Variants in SP140 observed in about 807,000 individuals in gnomAD.
SP140 encodes nuclear body protein SP140.
In SP140, 81 loss-of-function variants were observed where a neutral mutation model predicts 125.0. That is an observed-to-expected ratio of 0.65 (90% CI 0.54 to 0.78). The LOEUF (loss-of-function observed/expected upper bound fraction) is 0.78, where lower values mean the gene tolerates loss of function less well. Ranked by LOEUF, SP140 falls within the 30% of genes least tolerant of loss-of-function variation. SP140 has a pLI of 0.00. For missense variants in SP140, 858 were observed against 1,037.0 expected, an observed-to-expected ratio of 0.83 and a Z score of 2.37; for synonymous variants, 312 against 354.0, an observed-to-expected ratio of 0.88 and a Z score of 1.33.
intron 1 of SP140, among the ~76,000 whole-genome samples, chr2:230,229,456 CTTTTTTTTTTTTTT>C (rs1163771237): frequency 0.026 from 1,516 of 57,642 alleles, 44 homozygotes; most frequent in African/African-American, 0.087. Context: ...TGAAGAAATT[CTTTTTTTTTTTTTT>C]TTTTTTTTTT....
Position 230,247,966 on chromosome 2 carries a change from C to A in SP140, c.793C>A (p.Pro265Thr). 3.1e-6 allele frequency: 5 copies of A among 1,613,554 alleles called. No homozygotes were observed. Among genetic ancestry groups the A allele is most frequent in the Non-Finnish European group, 4.2e-6 (5 of 1,179,816 alleles). Residue 265 changes from proline to threonine, a missense_variant, in exon 8 of 27, where the codon CCA (proline) becomes ACA (threonine). Around this residue, in one of 4 missense-constraint regions of SP140, gnomAD observed 791 missense variants for 869.5 expected, o/e 0.91. Transcript: ENST00000392045. ...TGCGGCAAGGACATACAGCACAGCA[C>A]CAGGGGAGAAACAGGGAGAGGAGGA... ...IDAARTYSTAPGEKQGEEEGR... is the reference protein window; with the variant it reads ...IDAARTYSTATGEKQGEEEGR...
chr2:230,225,605 C>A (rs1020364907), upstream of SP140: 15 of 579,708 alleles, frequency 2.6e-5, no homozygotes, highest in African/African-American at 2.4e-4. Context: ...AACAAGTGAC[C>A]CTGTCTTCCG....
At chr2:230,219,993 A>G in intron 3 of SP140, 1 of 985,640 alleles carries the variant, frequency 1.0e-6, no homozygotes, top group South Asian at 4.7e-5. Context: ...GTGCTTTGAC[A>G]AACGCAGTAA....
intron 9 of SP140, among the ~76,000 whole-genome samples, chr2:230,249,442 G>C (rs1262488040): frequency 6.6e-6 from 1 of 152,178 alleles, no homozygotes; most frequent in Non-Finnish European, 1.5e-5. Flanking sequence ...GACCTGTGGT[G>C]CTATAGCCCC....
chr2:230,212,494 T>C, intron 1 of SP140: 2 of 1,326,120 alleles, frequency 1.5e-6, no homozygotes, highest in Non-Finnish European at 2.2e-6. Flanking sequence ...AGAGTGAATG[T>C]TAAAAGTGCC....
chr2:230,315,692 T>C (rs1016659190), downstream of SP140, among the ~76,000 whole-genome samples: 3 of 152,046 alleles, frequency 2.0e-5, no homozygotes, highest in African/African-American at 7.3e-5. Flanking sequence ...TGAAAACAAG[T>C]AAGTTAAAAG....
intron 20 of SP140, 94 bp downstream of exon 20, chr2:230,292,882 T>C: frequency 6.4e-7 from 1 of 1,557,414 alleles, no homozygotes; most frequent in Non-Finnish European, 8.7e-7. Context: ...AGGTTATAGC[T>C]AAAGCCTTGA....
At chr2:230,309,820 G>A (rs2059162340) in intron 22 of SP140, 104 bp from the exon 23 acceptor site, 2 of 1,137,818 alleles carry the variant, frequency 1.8e-6, no homozygotes, top group South Asian at 1.4e-5. Context: ...GCATTTGCCT[G>A]TCCATGCAGG....
At chr2:230,303,570 G>C (rs1002938924) in intron 22 of SP140, among the ~76,000 whole-genome samples, 1 of 152,106 alleles carries the variant, frequency 6.6e-6, no homozygotes, top group African/African-American at 2.4e-5. Flanking sequence ...TATGAAGCCA[G>C]TATCACCCTA....
intron 3 of SP140, among the ~76,000 whole-genome samples, chr2:230,215,436 G>T (rs1179054598): frequency 1.3e-5 from 2 of 152,226 alleles, no homozygotes; most frequent in African/African-American, 2.4e-5. Context: ...GTTAAAGGAT[G>T]CTACTATGTA....
intron 1 of SP140, among the ~76,000 whole-genome samples, chr2:230,226,192 C>T (rs2046315075): frequency 6.6e-6 from 1 of 151,096 alleles, no homozygotes; most frequent in Non-Finnish European, 1.5e-5. Context: ...TTGGATGATT[C>T]CCCGTGACCT....
chr2:230,295,325 A>G (rs1392457666), intron 21 of SP140, among the ~76,000 whole-genome samples: 1 of 152,246 alleles, frequency 6.6e-6, no homozygotes, highest in Non-Finnish European at 1.5e-5. Context: ...ATTATCTGAT[A>G]TACTGGCTGA....
At position 230,285,848 on chromosome 2, in the gene SP140, T is replaced by A. The variant is rs2056311568; in HGVS notation, c.1645+16T>A. ...AAGATTAGGGGTAAGATAAAGTTTG[T>A]CCGCTTTCCCTTTGCCCTACAGGTC... On this transcript the variant is annotated intron_variant, in intron 17 of 26. Transcript: ENST00000392045. 1 of 1,593,384 alleles carries A rather than the reference T, an allele frequency of 6.3e-7. No homozygotes were observed. The highest frequency in any genetic ancestry group is 1.3e-5 in the African/African-American group (1 of 74,480).
rs76163406 is a variant in SP140 at position 230,255,149 on chromosome 2, G to A, written c.1160-303G>A. 5.6e-3 allele frequency among the ~76,000 whole-genome samples: 852 copies of A among 152,314 alleles called. 10 individuals are homozygous for A. The highest frequency in any genetic ancestry group is 0.019 in the African/African-American group (796 of 41,568). ...ACAAAGAGAAGCACCTGGAGCCACTGGCAGCAGGAAAGCAGGGCAGAGGCC... is the reference window on the plus strand; with the variant it reads ...ACAAAGAGAAGCACCTGGAGCCACTAGCAGCAGGAAAGCAGGGCAGAGGCC... On this transcript the variant is annotated intron_variant, in intron 11 of 26. Transcript: ENST00000392045.
intron 3 of SP140, chr2:230,215,213 A>T: frequency 2.0e-6 from 2 of 989,658 alleles, no homozygotes; most frequent in Non-Finnish European, 3.1e-6. Context: ...AAGCTACCTT[A>T]CTCTTTTAAG....
At position 230,312,762 on chromosome 2, in the gene SP140, G is replaced by T. The variant is rs1575405961; in HGVS notation, c.*78G>T. 5.6e-6 allele frequency: 6 copies of T among 1,064,964 alleles called. No individual in the cohort carries two copies. In the East Asian group the frequency reaches 1.5e-4, roughly 26 times the overall value. The allele number at this position is 1,064,964 out of a possible 1,614,324, so 66.0% of individuals were successfully genotyped here. The stretch of plus-strand genomic sequence containing the variant: ...GCTGGTTTGCCACTGACTTCAAAAT[G>T]AGGTCACTTGGGCACAGCACATGCA... On this transcript the variant is annotated 3_prime_UTR_variant, in exon 27 of 27. Coordinates refer to ENST00000392045, the MANE Select transcript of SP140 (RefSeq NM_007237.5).
At chr2:230,276,817 AGTT>A (rs1196938956) in intron 15 of SP140, among the ~76,000 whole-genome samples, 1 of 152,206 alleles carries the variant, frequency 6.6e-6, no homozygotes, top group Admixed American at 6.5e-5. Context: ...ATTTAGAAGA[AGTT>A]GATTACAATC....
upstream of SP140, among the ~76,000 whole-genome samples, chr2:230,223,058 G>A (rs1553546258): frequency 7.0e-6 from 1 of 143,174 alleles, no homozygotes; most frequent in Non-Finnish European, 1.5e-5. Flanking sequence ...TTTTTTTTGA[G>A]ACAGAGTCAC....
At chr2:230,290,753 A>T (rs2057021766) in intron 19 of SP140, among the ~76,000 whole-genome samples, 189 bp downstream of exon 19, 1 of 152,246 alleles carries the variant, frequency 6.6e-6, no homozygotes. Context: ...GCTCACTTGC[A>T]CATGGAATGT....
Sources: gnomAD v4.1 joint callset for allele counts (sites outside exome capture counted in the v4.1 genomes callset) on GRCh38, gnomAD v4.1.1 for gene constraint, gnomAD v4.1.1 regional missense constraint, MANE v1.5 for transcripts, NCBI Gene and HGNC (gene_info 2026-07-23, HGNC 2026-07-21) for gene names.